Variants in CYP11A1 observed in about 807,000 individuals in gnomAD.
CYP11A1 encodes cytochrome P450 family 11 subfamily A member 1, also known as cholesterol side-chain cleavage enzyme, mitochondrial.
CYP11A1 carries 25 observed loss-of-function variants against 51.9 expected under a neutral mutation model. The ratio of observed to expected loss-of-function variants is 0.48; its 90% CI spans 0.35 to 0.67. CYP11A1 has a LOEUF of 0.67. CYP11A1 is among the 30% of genes least tolerant of loss of function. CYP11A1 has a pLI of 0.00. For missense variants in CYP11A1, 578 were observed against 680.9 expected (o/e 0.85, Z 1.68); for synonymous variants, 245 against 262.1 (o/e 0.93, Z 0.63).
At position 74,367,542 on chromosome 15, in the gene CYP11A1, C is replaced by T; in HGVS notation, c.44G>A (p.Gly15Asp). ...GGGGGCACTCAGAAAGGTCTGGCAGCCTTTGACCAGGACTGAGCGTGGGGG... is the reference window on the plus strand; with the variant it reads ...GGGGGCACTCAGAAAGGTCTGGCAGTCTTTGACCAGGACTGAGCGTGGGGG... ...GLPPRSVLVK[G>D]CQTFLSAPRE... The change falls in exon 1 of 9, where the codon GGC becomes GAC. Residue 15 changes from glycine (G) to aspartate (D), a missense_variant. Gly to Asp is a moderately conservative substitution (Grantham distance 94). Transcript: ENST00000268053. 2.5e-6 allele frequency: 4 copies of T among 1,614,166 alleles called. No individual in the cohort carries two copies. Among genetic ancestry groups the T allele is most frequent in the Non-Finnish European group, 2.5e-6 (3 of 1,180,014 alleles).
Position 74,343,839 on chromosome 15 carries a change from G to A in CYP11A1, c.779C>T (p.Thr260Ile). ...LPPDLFRLFR[T>I]KTWKDHVAAW... is the part of the protein sequence containing the mutation. The stretch of plus-strand genomic sequence containing the variant: ...AGCCACATGGTCCTTCCAGGTCTTG[G>A]TCCTGAACAGACGGAACAGGTCTGG... Residue 260 changes from threonine (T) to isoleucine (I), a missense_variant, in exon 4 of 9, where the codon ACC (threonine) becomes ATC (isoleucine). Transcript: ENST00000268053. 1 of 1,613,602 alleles carries A rather than the reference G, an allele frequency of 6.2e-7. No individual in the cohort carries two copies. The highest frequency in any genetic ancestry group is 8.5e-7 in the Non-Finnish European group (1 of 1,180,036).
chr15:74,342,528 C>G (rs2060611777), intron 5 of CYP11A1, among the ~76,000 whole-genome samples: 1 of 152,150 alleles, frequency 6.6e-6, no homozygotes, highest in African/African-American at 2.4e-5. Flanking sequence ...ACAAAAAGAC[C>G]ATGGACGGCA....
chr15:74,341,900 C>A (rs1252173556), intron 5 of CYP11A1, among the ~76,000 whole-genome samples: 2 of 152,154 alleles, frequency 1.3e-5, no homozygotes, highest in African/African-American at 4.8e-5. Context: ...CATCTACAAG[C>A]CAAGGAAAGA....
chr15:74,348,325 G>T, intron 1 of CYP11A1: 4 of 467,046 alleles, frequency 8.6e-6, no homozygotes, highest in Non-Finnish European at 1.6e-5. Flanking sequence ...GATCACTGTT[G>T]CTGCTGTCCC....
chr15:74,359,293 C>G (rs1269106895), intron 1 of CYP11A1, among the ~76,000 whole-genome samples: 1 of 152,130 alleles, frequency 6.6e-6, no homozygotes, highest in Non-Finnish European at 1.5e-5. Context: ...GAAACATTGC[C>G]CATTATCTCT....
At chr15:74,342,911 G>A (rs951260830) in intron 5 of CYP11A1, 66 bp downstream of exon 5, 24 of 1,538,714 alleles carry the variant, frequency 1.6e-5, no homozygotes, top group African/African-American at 2.7e-5. Context: ...GACAACGAGG[G>A]GCCTGGTGGG....
chr15:74,351,415 T>G (rs1158368064), intron 1 of CYP11A1, among the ~76,000 whole-genome samples: 1 of 152,194 alleles, frequency 6.6e-6, no homozygotes, highest in Non-Finnish European at 1.5e-5. Flanking sequence ...AAACCTTACT[T>G]TCTTATGCTA....
chr15:74,339,419 G>GGGGGACCTGGGGGT lies in CYP11A1; in HGVS notation c.1158-118_1158-105dup, dbSNP rs1187219781. 4.3e-6 allele frequency: 6 copies of GGGGGACCTGGGGGT among 1,398,418 alleles called. No homozygotes were observed. In the African/African-American group the frequency reaches 7.1e-5, roughly 16 times the overall value. The allele number at this position is 1,398,418 out of a possible 1,614,324, so 86.6% of individuals were successfully genotyped here. On this transcript the variant is annotated intron_variant, in intron 6 of 8. Transcript: ENST00000268053. ...TCTCAGCCCTAGCTGCAGCAGCCTG[G>GGGGGACCTGGGGGT]GGGGACCTGGGGGTAGGGCCCTGGC...
chr15:74,344,205 C>T (rs1312234643), intron 3 of CYP11A1, among the ~76,000 whole-genome samples: 1 of 152,194 alleles, frequency 6.6e-6, no homozygotes, highest in Non-Finnish European at 1.5e-5. Context: ...ACAGGTCCTG[C>T]AGAGGGGCAT....
chr15:74,364,443 T>C (rs190134161), intron 1 of CYP11A1: 1 of 152,342 alleles, frequency 6.6e-6, no homozygotes, highest in East Asian at 1.9e-4. Context: ...TATGACTATG[T>C]AACTTGAATA....
chr15:74,348,444 G>C (rs17515476), intron 1 of CYP11A1, among the ~76,000 whole-genome samples: 7,286 of 152,196 alleles, frequency 0.048, 415 homozygotes, highest in African/African-American at 0.13. Context: ...AGCAGCCCCA[G>C]CTTCTCACCT....
At chr15:74,338,260 A>G (rs551544873) in intron 8 of CYP11A1, 157 bp from the exon 9 acceptor site, 40 of 857,336 alleles carry the variant, frequency 4.7e-5, no homozygotes, top group Non-Finnish European at 7.2e-5. Flanking sequence ...AGTGCCTGAT[A>G]ATGCACCCTT....
intron 8 of CYP11A1, 136 bp from the exon 9 acceptor site, chr15:74,338,239 T>C: frequency 9.8e-7 from 1 of 1,019,826 alleles, no homozygotes. Context: ...GCTCCTGGTG[T>C]AACCCTGCAC....
rs530494910 is a variant in CYP11A1 at position 74,347,959 on chromosome 15, G to A, written c.366C>T (p.Leu122=). Residue 122 remains leucine, a synonymous_variant, in exon 2 of 9, where the codon CTC becomes CTT. Coordinates refer to ENST00000268053, the MANE Select transcript of CYP11A1 (RefSeq NM_000781.3). ...GGTGATAGGCGACCCAGGGCGGGAT[G>A]AGGAATCGTTCTGGGTTGGGGCCCT... The part of the protein sequence containing the change: ...KSEGPNPERF[L]IPPWVAYHQY... The A allele has an allele frequency of 4.8e-5, 77 of 1,614,226 alleles. No individual in the cohort carries two copies. The East Asian group carries it at 1.4e-3, about 30-fold the overall frequency.
chr15:74,338,254 C>A, intron 8 of CYP11A1, 151 bp from the exon 9 acceptor site: 1 of 879,174 alleles, frequency 1.1e-6, no homozygotes, highest in Non-Finnish European at 1.8e-6. Context: ...CTGCACAGTG[C>A]CTGATAATGC....
At chr15:74,363,369 G>T (rs12912592) in intron 1 of CYP11A1, 59,017 of 152,086 alleles carry the variant, frequency 0.39, 15,258 homozygotes, top group Non-Finnish European at 0.58. Flanking sequence ...CAAGTAGCTG[G>T]GATTACAGGT....
intron 1 of CYP11A1, among the ~76,000 whole-genome samples, chr15:74,358,496 C>A (rs1445125311): frequency 6.6e-6 from 1 of 152,186 alleles, no homozygotes; most frequent in African/African-American, 2.4e-5. Context: ...AATCTATCCA[C>A]AAGGAAATCA....
Position 74,343,944 on chromosome 15 carries a change from A to T in CYP11A1, c.674T>A (p.Val225Glu). 1 of 1,614,076 alleles carries T rather than the reference A, an allele frequency of 6.2e-7. No individual in the cohort carries two copies. Among genetic ancestry groups the T allele is most frequent in the Non-Finnish European group, 8.5e-7 (1 of 1,180,018 alleles). The change falls in exon 4 of 9, where the codon GTA becomes GAA. Residue 225 changes from valine (V) to glutamate (E), a missense_variant. Transcript: ENST00000268053. ...GAATCGCTGGGCCTCGGGGTTCACT[A>T]CTTCCTCCAGCATCCCCTGGCGCTC... ...FGERQGMLEE[V>E]VNPEAQRFID...
At chr15:74,354,958 C>T (rs1483253172) in intron 1 of CYP11A1, among the ~76,000 whole-genome samples, 2 of 152,116 alleles carry the variant, frequency 1.3e-5, no homozygotes, top group African/African-American at 4.8e-5. Flanking sequence ...GTTTGATCAC[C>T]ACGGGGACAC....
Sources: gnomAD v4.1 joint callset for allele counts (sites outside exome capture counted in the v4.1 genomes callset) on GRCh38, gnomAD v4.1.1 for gene constraint, MANE v1.5 for transcripts, NCBI Gene and HGNC (gene_info 2026-07-23, HGNC 2026-07-21) for gene names.